ARHGAP29: variants seen among roughly 807,000 people sequenced by gnomAD.
ARHGAP29 encodes rho GTPase-activating protein 29.
ARHGAP29 carries 43 observed loss-of-function variants against 122.6 expected under a neutral mutation model. The ratio of observed to expected loss-of-function variants is 0.35; its 90% CI spans 0.27 to 0.45. The LOEUF is 0.45. ARHGAP29 is among the 20% of genes least tolerant of loss of function. The pLI is 1.00. For synonymous variants in ARHGAP29, 506 were observed against 497.1 expected (o/e 1.02, Z -0.24); for missense variants, 1,303 against 1,477.2 (o/e 0.88, Z 1.93).
the ARHGAP29 span, among the ~76,000 whole-genome samples, chr1:94,290,724 T>TGA: frequency 1.3e-5 from 2 of 152,226 alleles, no homozygotes; most frequent in African/African-American, 4.8e-5. Flanking sequence ...TCCATGTAGT[T>TGA]GTGCAGTTTT....
chr1:94,223,582 C>T (rs1467434837), intron 2 of ARHGAP29, among the ~76,000 whole-genome samples: 4 of 151,634 alleles, frequency 2.6e-5, no homozygotes, highest in Non-Finnish European at 5.9e-5. Flanking sequence ...GCGGATTTGG[C>T]CACTAAAAAA....
chr1:94,251,054 G>T lies in ARHGAP29; in HGVS notation c.-32-19411C>A, dbSNP rs116783357. ...TAACTAGCCATTTATACTTTACTCC[G>T]TGCTAGTAAACTATAAATGTCTAGT... On this transcript the variant is annotated intron_variant and NMD_transcript_variant, in intron 1 of 25. Transcript: ENST00000552844. 9.7e-3 allele frequency among the ~76,000 whole-genome samples: 1,475 copies of T among 152,088 alleles called. 25 individuals carry two copies. Among genetic ancestry groups the T allele is most frequent in the African/African-American group, 0.034 (1,414 of 41,452 alleles).
intron 1 of ARHGAP29, among the ~76,000 whole-genome samples, chr1:94,251,026 T>A (rs1654062093): frequency 6.6e-6 from 1 of 152,224 alleles, no homozygotes. Flanking sequence ...GTGGTAGTAA[T>A]AATAACTAGC....
chr1:94,233,929 G>A (rs1653093220), intron 1 of ARHGAP29, among the ~76,000 whole-genome samples: 1 of 152,106 alleles, frequency 6.6e-6, no homozygotes, highest in Non-Finnish European at 1.5e-5. Context: ...CAACTGTTCA[G>A]CTCAGGGTCC....
chr1:94,176,247 G>A (rs766291574), intron 22 of ARHGAP29, among the ~76,000 whole-genome samples: 1 of 152,156 alleles, frequency 6.6e-6, no homozygotes, highest in African/African-American at 2.4e-5. Flanking sequence ...CTTCATCTGC[G>A]AAATAAGACT....
At chr1:94,184,056 G>T in intron 19 of ARHGAP29, 95 bp downstream of exon 19, 1 of 1,385,672 alleles carries the variant, frequency 7.2e-7, no homozygotes, top group Non-Finnish European at 1.0e-6. Flanking sequence ...CTATGCCAAT[G>T]AAAAAACATG....
At chr1:94,305,334 C>G in the ARHGAP29 span, among the ~76,000 whole-genome samples, 1 of 152,150 alleles carries the variant, frequency 6.6e-6, no homozygotes, top group Non-Finnish European at 1.5e-5. Flanking sequence ...TCTGACTGGT[C>G]AGTTTCTGTT....
intron 3 of ARHGAP29, among the ~76,000 whole-genome samples, chr1:94,215,485 T>C (rs1224212148): frequency 6.6e-6 from 1 of 152,000 alleles, no homozygotes; most frequent in African/African-American, 2.4e-5. Context: ...AACAAATCAG[T>C]GGAACAGAAT....
rs373574005 is a variant in ARHGAP29, at chr1:94,233,071, T to C, written c.-32-1428A>G. ...GCCATCTGCCCGCCAAAGCCACCCA[T>C]GTAGCTGGGACTCCAGGGGCACAAC... On this transcript the variant is annotated intron_variant, in intron 1 of 22. Transcript: ENST00000260526. Among the ~76,000 whole-genome samples the C allele has an allele frequency of 5.3e-5, 8 of 151,610 alleles. No homozygotes were observed. The East Asian group carries it at 1.5e-3, about 29-fold the overall frequency.
chr1:94,304,210 G>T, the ARHGAP29 span, among the ~76,000 whole-genome samples: 2 of 152,212 alleles, frequency 1.3e-5, no homozygotes, highest in Non-Finnish European at 2.9e-5. Context: ...CGCCAGCACA[G>T]CTCACTGCAG....
chr1:94,211,564 C>T (rs1167324921), intron 3 of ARHGAP29, among the ~76,000 whole-genome samples: 1 of 151,938 alleles, frequency 6.6e-6, no homozygotes, highest in African/African-American at 2.4e-5. Flanking sequence ...TTTTCAAATG[C>T]ACACTGAATA....
upstream of ARHGAP29, among the ~76,000 whole-genome samples, chr1:94,278,046 C>T (rs758231083): frequency 4.6e-5 from 7 of 152,194 alleles, no homozygotes; most frequent in South Asian, 2.1e-4. Flanking sequence ...CCGGATGCAG[C>T]GGCTCATGCC....
chr1:94,199,851 A>G (rs988994284), intron 12 of ARHGAP29, among the ~76,000 whole-genome samples: 2 of 152,130 alleles, frequency 1.3e-5, no homozygotes, highest in Admixed American at 6.6e-5. Flanking sequence ...GGAAATTTAA[A>G]TCCTAAGTTT....
chr1:94,307,839 T>C, the ARHGAP29 span, among the ~76,000 whole-genome samples: 1 of 152,196 alleles, frequency 6.6e-6, no homozygotes, highest in Non-Finnish European at 1.5e-5. Flanking sequence ...AATGGACATA[T>C]AAGAGGGTAG....
At position 94,205,150 on chromosome 1, in the gene ARHGAP29, T is replaced by C; in HGVS notation, c.608A>G (p.Asp203Gly). Reference sequence around the variant, plus strand: ...ATATGACAAAGCCAGCTCGATAGAGTCAGTGTTCTTTAACAGCACGTTGTC... The same window carrying C: ...ATATGACAAAGCCAGCTCGATAGAGCCAGTGTTCTTTAACAGCACGTTGTC... Reference protein sequence around the residue: ...ELDNVLLKNTDSIELALSYAK... With the variant: ...ELDNVLLKNTGSIELALSYAK... The change falls in exon 7 of 23, where the codon GAC (aspartate) becomes GGC (glycine). Residue 203 changes from aspartate (D) to glycine (G), a missense_variant. Physicochemically the swap from Asp to Gly is moderately conservative, Grantham distance 94. This residue lies in a region of ARHGAP29 where 592 missense variants were observed against 648.2 expected (regional missense o/e 0.91). Coordinates refer to ENST00000260526, the MANE Select transcript of ARHGAP29 (RefSeq NM_004815.4). The C allele has an allele frequency of 6.2e-7, 1 of 1,608,278 alleles. No individual in the cohort carries two copies. Among genetic ancestry groups the C allele is most frequent in the Non-Finnish European group, 8.5e-7 (1 of 1,178,116 alleles).
At chr1:94,300,826 TC>T in the ARHGAP29 span, among the ~76,000 whole-genome samples, 13,542 of 152,208 alleles carry the variant, frequency 0.089, 651 homozygotes, top group South Asian at 0.13. Context: ...AAGCCTGTGT[TC>T]AATTAATGAA....
At chr1:94,187,015 G>A (rs1021652077) in intron 15 of ARHGAP29, among the ~76,000 whole-genome samples, 1 of 152,174 alleles carries the variant, frequency 6.6e-6, no homozygotes, top group Admixed American at 6.5e-5. Context: ...TAAACCAAAA[G>A]CTTTCTACAA....
Position 94,179,946 on chromosome 1 carries a change from T to C in ARHGAP29, c.2259A>G (p.Pro753=). 1 of 1,601,090 alleles carries C rather than the reference T, an allele frequency of 6.2e-7. No homozygotes were observed. Among genetic ancestry groups the C allele is most frequent in the Admixed American group, 1.7e-5 (1 of 58,028 alleles). ...CCTTGTACAATCGAAATAAAATAAA[T>C]GGTTCTGGGAGCTAAAGAAATAAAA... The part of the protein sequence containing the change: ...LKLYLRQLPE[P]FILFRLYKEF... Residue 753 remains proline, a synonymous_variant, in exon 20 of 23, where the codon CCA becomes CCG. Transcript: ENST00000260526.
intron 12 of ARHGAP29, chr1:94,195,434 C>A (rs2101466738): frequency 6.6e-6 from 1 of 152,202 alleles, no homozygotes; most frequent in Non-Finnish European, 1.5e-5. Context: ...AGGAATATAA[C>A]CTGAGCTACT....
Sources: allele counts gnomAD v4.1 joint callset (sites outside exome capture counted in the v4.1 genomes callset), GRCh38; gene constraint gnomAD v4.1.1; regional missense constraint gnomAD v4.1.1; transcripts MANE v1.5; gene names NCBI Gene and HGNC (gene_info 2026-07-23, HGNC 2026-07-21).